The following CNTNAP2 variants were observed in gnomAD, a reference collection of about 807,000 sequenced individuals.
The protein encoded by CNTNAP2 is contactin associated protein 2, also known as contactin-associated protein-like 2.
Under a neutral mutation model 155.2 loss-of-function variants are expected in CNTNAP2, and 98 were observed. The ratio of observed to expected loss-of-function variants is 0.63; its 90% CI spans 0.54 to 0.75. CNTNAP2 has a LOEUF of 0.75. Ranked by LOEUF, CNTNAP2 falls within the 30% of genes least tolerant of loss-of-function variation. The pLI is 0.00. For synonymous variants in CNTNAP2, 651 were observed against 631.2 expected, an observed-to-expected ratio of 1.03 and a Z score of -0.47; for missense variants, 1,727 against 1,688.1, an observed-to-expected ratio of 1.02 and a Z score of -0.40.
intron 8 of CNTNAP2, among the ~76,000 whole-genome samples, chr7:147,143,137 CT>C (rs1801634193): frequency 6.6e-6 from 1 of 152,102 alleles, no homozygotes; most frequent in Non-Finnish European, 1.5e-5. Context: ...TTCATCTTTG[CT>C]TTTTTGGTTT....
intron 8 of CNTNAP2, among the ~76,000 whole-genome samples, chr7:147,226,121 T>C (rs1218464477): frequency 6.6e-6 from 1 of 152,182 alleles, no homozygotes; most frequent in Non-Finnish European, 1.5e-5. Context: ...TCAATGTCTT[T>C]GAGCATGTTA....
intron 1 of CNTNAP2, among the ~76,000 whole-genome samples, chr7:146,677,189 G>A (rs980538177): frequency 2.6e-5 from 4 of 152,172 alleles, no homozygotes; most frequent in Non-Finnish European, 4.4e-5. Context: ...AACTGGAAGT[G>A]GGGGAAGTGG....
chr7:147,582,819 A>T (rs1466273405), intron 12 of CNTNAP2, among the ~76,000 whole-genome samples: 1 of 152,232 alleles, frequency 6.6e-6, no homozygotes, highest in Non-Finnish European at 1.5e-5. Flanking sequence ...TACAAAAGTA[A>T]CTATAGCCAA....
At chr7:148,362,726 G>C (rs143953722) in intron 21 of CNTNAP2, among the ~76,000 whole-genome samples, 5 of 152,168 alleles carry the variant, frequency 3.3e-5, no homozygotes, top group Non-Finnish European at 7.3e-5. Context: ...GCTGCTAATA[G>C]GAAGCTTGAA....
At chr7:146,287,588 A>G (rs1800357043) in intron 1 of CNTNAP2, among the ~76,000 whole-genome samples, 1 of 152,194 alleles carries the variant, frequency 6.6e-6, no homozygotes, top group Non-Finnish European at 1.5e-5. Flanking sequence ...AGCTTTCAAC[A>G]GACGCTCATC....
At chr7:146,746,928 T>C (rs73170311) in intron 1 of CNTNAP2, among the ~76,000 whole-genome samples, 17,767 of 152,120 alleles carry the variant, frequency 0.12, 1,620 homozygotes, top group East Asian at 0.36. Flanking sequence ...ATTATCTTTT[T>C]TCCATATTTG....
intron 1 of CNTNAP2, among the ~76,000 whole-genome samples, chr7:146,676,773 A>G (rs947693555): frequency 6.6e-6 from 1 of 152,184 alleles, no homozygotes; most frequent in African/African-American, 2.4e-5. Context: ...AATCCTTTAT[A>G]AAACCATCAG....
At chr7:147,681,715 C>G (rs140156900) in intron 13 of CNTNAP2, among the ~76,000 whole-genome samples, 2,491 of 152,054 alleles carry the variant, frequency 0.016, 221 homozygotes, top group Admixed American at 0.15. Flanking sequence ...ATACAGTAGT[C>G]TCCCTTACCC....
intron 10 of CNTNAP2, among the ~76,000 whole-genome samples, chr7:147,462,510 A>G (rs932767878): frequency 6.6e-5 from 10 of 152,186 alleles, no homozygotes; most frequent in African/African-American, 2.4e-4. Flanking sequence ...TTTTGATTTG[A>G]ATGTATGTTC....
chr7:147,390,032 G>T (rs1796683318), intron 9 of CNTNAP2, among the ~76,000 whole-genome samples: 1 of 152,018 alleles, frequency 6.6e-6, no homozygotes, highest in East Asian at 1.9e-4. Context: ...GTCACTGAAG[G>T]TATCACAAAC....
intron 1 of CNTNAP2, among the ~76,000 whole-genome samples, chr7:146,722,614 A>T (rs1801357041): frequency 6.6e-6 from 1 of 152,118 alleles, no homozygotes; most frequent in Non-Finnish European, 1.5e-5. Flanking sequence ...TGAAATATTT[A>T]CTATGTAAGT....
At chr7:148,228,900 C>G (rs1419251779) in intron 19 of CNTNAP2, among the ~76,000 whole-genome samples, 1 of 151,520 alleles carries the variant, frequency 6.6e-6, no homozygotes, top group Non-Finnish European at 1.5e-5. Context: ...CAATGTCACA[C>G]TTTGCTGACG....
intron 13 of CNTNAP2, among the ~76,000 whole-genome samples, chr7:147,670,609 A>T (rs1288615678): frequency 2.0e-5 from 3 of 152,208 alleles, no homozygotes; most frequent in African/African-American, 7.2e-5. Context: ...AGAGCTTGAC[A>T]GCATAACTTT....
intron 1 of CNTNAP2, among the ~76,000 whole-genome samples, chr7:146,509,654 C>A (rs895187469): frequency 2.0e-5 from 3 of 152,030 alleles, no homozygotes; most frequent in Non-Finnish European, 4.4e-5. Flanking sequence ...ACTGGGGTGG[C>A]AGGCCCAAGC....
chr7:148,268,287 T>C (rs546662358), intron 21 of CNTNAP2, among the ~76,000 whole-genome samples: 8 of 151,974 alleles, frequency 5.3e-5, no homozygotes, highest in Non-Finnish European at 1.0e-4. Flanking sequence ...ATAGCATTAA[T>C]GGTAAAAATG....
At chr7:148,191,648 T>A (rs1795204304) in intron 18 of CNTNAP2, among the ~76,000 whole-genome samples, 1 of 152,240 alleles carries the variant, frequency 6.6e-6, no homozygotes, top group African/African-American at 2.4e-5. Flanking sequence ...TGTTTCTTCA[T>A]ATGGCAGAAG....
At chr7:147,552,599 CACACACACA>C (rs1343254460) in intron 11 of CNTNAP2, among the ~76,000 whole-genome samples, 3 of 151,082 alleles carry the variant, frequency 2.0e-5, no homozygotes, top group Non-Finnish European at 4.4e-5. Context: ...CACACACACA[CACACACACA>C]GAGATATAAA....
intron 11 of CNTNAP2, among the ~76,000 whole-genome samples, chr7:147,527,454 G>T (rs913713030): frequency 3.3e-5 from 5 of 152,132 alleles, no homozygotes; most frequent in Admixed American, 3.3e-4. Context: ...CTCAGTATGC[G>T]CAGCGTTATA....
chr7:146,379,771 A>G (rs1413317887), intron 1 of CNTNAP2, among the ~76,000 whole-genome samples: 3 of 152,130 alleles, frequency 2.0e-5, no homozygotes, highest in Non-Finnish European at 2.9e-5. Context: ...TCTTCTTTCT[A>G]TAGGCATGTG....
Sources: gnomAD v4.1 joint callset for allele counts (sites outside exome capture counted in the v4.1 genomes callset) on GRCh38, gnomAD v4.1.1 for gene constraint, MANE v1.5 for transcripts, NCBI Gene and HGNC (gene_info 2026-07-23, HGNC 2026-07-21) for gene names.